GALNTL6: variants seen among roughly 807,000 people sequenced by gnomAD.
GALNTL6 encodes the protein polypeptide N-acetylgalactosaminyltransferase like 6.
GALNTL6 carries 46 observed loss-of-function variants against 73.7 expected under a neutral mutation model. The ratio of observed to expected loss-of-function variants is 0.62; its 90% confidence interval spans 0.49 to 0.80. The LOEUF (loss-of-function observed/expected upper bound fraction) is 0.80. Among genes scored for constraint, GALNTL6 ranks in the 30% least tolerant of loss-of-function variants. The probability of loss-of-function intolerance (pLI) is 0.00; values close to 1 mark genes in which losing one functional copy is unlikely to be tolerated. For missense variants in GALNTL6, 604 were observed against 755.0 expected, an observed-to-expected ratio of 0.80 and a Z score of 2.34; for synonymous variants, 259 against 263.7, an observed-to-expected ratio of 0.98 and a Z score of 0.17.
rs147783341 is a variant in GALNTL6, at chr4:172,482,106, C to T, written c.553+133417C>T. Among the ~76,000 whole-genome samples, 689 of 152,328 alleles carry T rather than the reference C, an allele frequency of 4.5e-3. 7 individuals carry two copies. The highest frequency in any genetic ancestry group is 0.016 in the African/African-American group (654 of 41,584). On this transcript the variant is annotated intron_variant, in intron 5 of 12. Transcript: ENST00000506823. ...GGACCCGGCGCCCCCTCCACAGCTG[C>T]TGGCCCGGGTGCTAAGCCCCTCACT...
chr4:172,163,074 C>T (rs906919535), intron 2 of GALNTL6, among the ~76,000 whole-genome samples: 1 of 151,974 alleles, frequency 6.6e-6, no homozygotes, highest in African/African-American at 2.4e-5. Flanking sequence ...TGTACATTTC[C>T]CACCTTGCCC....
At chr4:172,467,812 TTC>T (rs1235312623) in intron 5 of GALNTL6, among the ~76,000 whole-genome samples, 36 of 57,008 alleles carry the variant, frequency 6.3e-4, no homozygotes, top group South Asian at 3.3e-3. Flanking sequence ...TACATTTTCT[TTC>T]TTTCTTTCTT....
At chr4:172,382,748 A>G (rs1018686166) in intron 5 of GALNTL6, among the ~76,000 whole-genome samples, 2 of 152,132 alleles carry the variant, frequency 1.3e-5, no homozygotes, top group Non-Finnish European at 2.9e-5. Flanking sequence ...TTAGATTTAA[A>G]TCCAATTTAG....
At position 172,785,161 on chromosome 4, in the gene GALNTL6, A is replaced by C. The variant is rs1342400452; in HGVS notation, c.554-24200A>C. 7.2e-5 allele frequency among the ~76,000 whole-genome samples: 11 copies of C among 152,324 alleles called. No individual in the cohort carries two copies. The East Asian group carries it at 2.1e-3, about 29-fold the overall frequency. ...GAAAGACAGAAATTGATTATATAAA[A>C]TACAAGAAAACCTCTGAAAATTTGT... On this transcript the variant is annotated intron_variant, in intron 5 of 12. Transcript: ENST00000506823.
rs554805778 is a variant in GALNTL6, at chr4:171,910,181, A to T, written c.138+95463A>T. 1.9e-3 allele frequency among the ~76,000 whole-genome samples: 290 copies of T among 152,024 alleles called. 3 individuals are homozygous for T. Among genetic ancestry groups the T allele is most frequent in the South Asian group, 0.011 (51 of 4,832 alleles). On this transcript the variant is annotated intron_variant, in intron 2 of 12. Coordinates refer to ENST00000506823, the MANE Select transcript of GALNTL6 (RefSeq NM_001034845.3). Reference sequence around the variant, plus strand: ...AAACAAAACAGAGCAAAACACTTTAAAAAACTGTTGTTAAACCGTTGTTTA... The same window carrying T: ...AAACAAAACAGAGCAAAACACTTTATAAAACTGTTGTTAAACCGTTGTTTA...
chr4:172,674,493 A>T (rs1732166688), intron 5 of GALNTL6, among the ~76,000 whole-genome samples: 1 of 152,056 alleles, frequency 6.6e-6, no homozygotes, highest in Non-Finnish European at 1.5e-5. Flanking sequence ...GCATTTCTTG[A>T]ATTTGAATAT....
chr4:172,396,407 T>C (rs1173369993), intron 5 of GALNTL6, among the ~76,000 whole-genome samples: 1 of 151,954 alleles, frequency 6.6e-6, no homozygotes, highest in Admixed American at 6.6e-5. Context: ...AAGTGAGATC[T>C]ACTATTTATT....
At chr4:172,846,750 T>C (rs1271570600) in intron 7 of GALNTL6, among the ~76,000 whole-genome samples, 2 of 152,188 alleles carry the variant, frequency 1.3e-5, no homozygotes. Context: ...CAATAATGTA[T>C]TTGTTGCCAT....
At chr4:172,488,357 A>T (rs913913643) in intron 5 of GALNTL6, among the ~76,000 whole-genome samples, 1 of 152,196 alleles carries the variant, frequency 6.6e-6, no homozygotes, top group South Asian at 2.1e-4. Flanking sequence ...CTGCTACGTG[A>T]TGGCCAGGGC....
intron 5 of GALNTL6, among the ~76,000 whole-genome samples, chr4:172,401,106 G>A (rs1744018885): frequency 6.6e-6 from 1 of 152,008 alleles, no homozygotes; most frequent in Admixed American, 6.6e-5. Context: ...CTTTTGCAAA[G>A]TTTCATTATT....
chr4:172,351,008 A>G (rs1437931351), intron 5 of GALNTL6, among the ~76,000 whole-genome samples: 1 of 152,164 alleles, frequency 6.6e-6, no homozygotes, highest in Non-Finnish European at 1.5e-5. Flanking sequence ...TGGAGAGGTT[A>G]TGATGGAGGG....
intron 5 of GALNTL6, among the ~76,000 whole-genome samples, chr4:172,685,209 C>T (rs1474930893): frequency 6.6e-6 from 1 of 151,938 alleles, no homozygotes. Context: ...TATGTATATT[C>T]TTATTTTTGA....
At chr4:172,142,577 A>T (rs922912342) in intron 2 of GALNTL6, among the ~76,000 whole-genome samples, 1 of 152,048 alleles carries the variant, frequency 6.6e-6, no homozygotes, top group African/African-American at 2.4e-5. Context: ...AGTTGATGCT[A>T]AACTATACCA....
At chr4:172,236,623 G>A (rs1203366680) in intron 3 of GALNTL6, among the ~76,000 whole-genome samples, 1 of 151,590 alleles carries the variant, frequency 6.6e-6, no homozygotes, top group Non-Finnish European at 1.5e-5. Flanking sequence ...CTTTGTTAGT[G>A]TTTTCATTAA....
intron 3 of GALNTL6, chr4:172,266,022 A>G (rs1172967036): frequency 6.6e-6 from 1 of 152,168 alleles, no homozygotes; most frequent in Non-Finnish European, 1.5e-5. Flanking sequence ...GAACTTAACA[A>G]ATAGTGAAAA....
At chr4:172,356,718 G>A (rs1045812324) in intron 5 of GALNTL6, among the ~76,000 whole-genome samples, 1 of 151,988 alleles carries the variant, frequency 6.6e-6, no homozygotes, top group African/African-American at 2.4e-5. Flanking sequence ...TAGGTGACAT[G>A]GTACATTTGT....
At chr4:172,780,219 C>T (rs1043402456) in intron 5 of GALNTL6, among the ~76,000 whole-genome samples, 4 of 151,770 alleles carry the variant, frequency 2.6e-5, no homozygotes, top group African/African-American at 9.7e-5. Context: ...ACTGAAATAA[C>T]ATGCCTATTC....
chr4:172,093,840 T>A (rs912426464), intron 2 of GALNTL6, among the ~76,000 whole-genome samples: 1 of 152,206 alleles, frequency 6.6e-6, no homozygotes, highest in Admixed American at 6.5e-5. Context: ...CTGTCTCCCA[T>A]CATCGTGAGA....
chr4:172,198,605 A>G (rs563543131), intron 2 of GALNTL6, among the ~76,000 whole-genome samples: 1 of 152,300 alleles, frequency 6.6e-6, no homozygotes, highest in African/African-American at 2.4e-5. Context: ...CAAACAACCT[A>G]AACATATACT....
Sources: gnomAD v4.1 joint callset for allele counts (sites outside exome capture counted in the v4.1 genomes callset) on GRCh38, gnomAD v4.1.1 for gene constraint, MANE v1.5 for transcripts, NCBI Gene and HGNC (gene_info 2026-07-23, HGNC 2026-07-21) for gene names.